The following ZFHX3 variants were observed in gnomAD, a reference collection of about 807,000 sequenced individuals.
ZFHX3 encodes the protein zinc finger homeobox protein 3.
In ZFHX3, 42 loss-of-function variants were observed where a neutral mutation model predicts 279.1. The observed-to-expected ratio is 0.15, with a 90% CI of 0.12 to 0.19. The LOEUF (loss-of-function observed/expected upper bound fraction) is 0.19, where lower values mean the gene tolerates loss of function less well. Ranked by LOEUF, ZFHX3 falls within the 10% of genes least tolerant of loss-of-function variation. The pLI, the probability that ZFHX3 is intolerant of heterozygous loss-of-function variation, is 1.00. For missense variants in ZFHX3, 4,981 were observed against 4,754.0 expected (o/e 1.05, Z -1.40); for synonymous variants, 2,293 against 1,957.8 (o/e 1.17, Z -4.52).
intron 1 of ZFHX3, among the ~76,000 whole-genome samples, chr16:73,002,913 T>C (rs1195015933): frequency 6.6e-6 from 1 of 152,210 alleles, no homozygotes; most frequent in Non-Finnish European, 1.5e-5. Context: ...AAACAAAGTA[T>C]TAAAAGTAGC....
intron 4 of ZFHX3, among the ~76,000 whole-genome samples, chr16:73,284,725 GA>G (rs1389253419): frequency 1.3e-5 from 2 of 152,168 alleles, no homozygotes; most frequent in Non-Finnish European, 2.9e-5. Flanking sequence ...CTTATTCAAA[GA>G]GTCTCCCCTT....
chr16:72,988,019 C>T (rs1307741510), intron 1 of ZFHX3, among the ~76,000 whole-genome samples: 1 of 152,186 alleles, frequency 6.6e-6, no homozygotes, highest in Non-Finnish European at 1.5e-5. Context: ...TCTGCTGTTA[C>T]CTTTTAACCT....
At chr16:73,191,253 G>A (rs1968024877) in intron 5 of ZFHX3, among the ~76,000 whole-genome samples, 1 of 152,130 alleles carries the variant, frequency 6.6e-6, no homozygotes, top group Non-Finnish European at 1.5e-5. Context: ...TAATCTCTCT[G>A]GGAGGAAGTC....
At chr16:73,688,605 C>A (rs552996341) in intron 1 of ZFHX3, among the ~76,000 whole-genome samples, 4 of 152,106 alleles carry the variant, frequency 2.6e-5, no homozygotes, top group Non-Finnish European at 5.9e-5. Flanking sequence ...GGATCTTGGA[C>A]TTCCCAGACC....
At chr16:73,328,031 C>T (rs888738270) in intron 3 of ZFHX3, among the ~76,000 whole-genome samples, 1 of 152,102 alleles carries the variant, frequency 6.6e-6, no homozygotes, top group Non-Finnish European at 1.5e-5. Context: ...GAATACTGAA[C>T]CTATTTGACC....
intron 1 of ZFHX3, among the ~76,000 whole-genome samples, chr16:73,840,640 T>C (rs916017854): frequency 6.6e-6 from 1 of 152,202 alleles, no homozygotes; most frequent in Non-Finnish European, 1.5e-5. Flanking sequence ...TTTTTGTCCA[T>C]AGCACCTAAA....
intron 2 of ZFHX3, among the ~76,000 whole-genome samples, chr16:73,632,587 G>A (rs543304457): frequency 6.6e-6 from 1 of 152,038 alleles, no homozygotes; most frequent in African/African-American, 2.4e-5. Flanking sequence ...TCAGGAGACT[G>A]AGGCAGGAGA....
chr16:73,540,640 T>G (rs943713854), intron 2 of ZFHX3, among the ~76,000 whole-genome samples: 1 of 152,236 alleles, frequency 6.6e-6, no homozygotes, highest in Non-Finnish European at 1.5e-5. Context: ...CTTTTTCAAG[T>G]ATTTTTTAAC....
chr16:72,949,567 C>CTCGGTT (rs1180179051), intron 3 of ZFHX3, among the ~76,000 whole-genome samples: 2 of 151,892 alleles, frequency 1.3e-5, no homozygotes, highest in South Asian at 2.1e-4. Flanking sequence ...CCTCGGTTGC[C>CTCGGTT]GTCTATGGAG....
chr16:72,844,001 C>T (rs967230053), intron 4 of ZFHX3, among the ~76,000 whole-genome samples: 1 of 152,242 alleles, frequency 6.6e-6, no homozygotes. Flanking sequence ...TCTCTCTCCC[C>T]CTCTCCTACA....
At chr16:72,880,907 A>G (rs140789865) in intron 4 of ZFHX3, among the ~76,000 whole-genome samples, 2 of 152,374 alleles carry the variant, frequency 1.3e-5, no homozygotes, top group Admixed American at 6.5e-5. Context: ...AGACATAAGT[A>G]GCAAAAAGCA....
intron 1 of ZFHX3, 138 bp from the exon 2 acceptor site, chr16:72,960,332 G>T: frequency 1.6e-6 from 1 of 625,240 alleles, no homozygotes; most frequent in Non-Finnish European, 2.5e-6. Context: ...AGAGACACAG[G>T]GCGGAGGGCG....
At chr16:73,412,638 C>T (rs145636866) in intron 3 of ZFHX3, among the ~76,000 whole-genome samples, 25 of 152,326 alleles carry the variant, frequency 1.6e-4, no homozygotes, top group African/African-American at 6.0e-4. Flanking sequence ...GCCGATGAAC[C>T]CCTGGGGCTG....
chr16:73,538,277 C>G lies in ZFHX3; in HGVS notation c.-1546-82019G>C, dbSNP rs560239802. Among the ~76,000 whole-genome samples, 3 of 152,244 alleles carry G rather than the reference C, an allele frequency of 2.0e-5. No homozygotes were observed. The South Asian group carries it at 6.2e-4, about 31-fold the overall frequency. Reference sequence around the variant, plus strand: ...CCAGTTTTTCATCTTAGGCCCTCTTCTGTTTCCTCTGCTACACAGAGTTTG... The same window carrying G: ...CCAGTTTTTCATCTTAGGCCCTCTTGTGTTTCCTCTGCTACACAGAGTTTG... On this transcript the variant is annotated intron_variant, in intron 2 of 17. Coordinates refer to the ZFHX3 transcript ENST00000641206.
intron 4 of ZFHX3, chr16:73,257,266 A>G (rs143272302): frequency 1.1e-3 from 166 of 152,374 alleles, no homozygotes; most frequent in African/African-American, 3.8e-3. Flanking sequence ...GGTGTTATAA[A>G]TATGGTCATC....
intron 1 of ZFHX3, among the ~76,000 whole-genome samples, chr16:73,809,898 T>C (rs1313068233): frequency 1.3e-5 from 2 of 152,194 alleles, no homozygotes; most frequent in Admixed American, 1.3e-4. Flanking sequence ...GCCTTCCCTG[T>C]GGCCACTTAC....
intron 1 of ZFHX3, among the ~76,000 whole-genome samples, chr16:72,992,346 T>C (rs1963123050): frequency 6.6e-6 from 1 of 152,020 alleles, no homozygotes; most frequent in Non-Finnish European, 1.5e-5. Flanking sequence ...TTCCCTGCCT[T>C]CCCCCATTAA....
At chr16:73,429,664 A>T (rs1028883232) in intron 3 of ZFHX3, among the ~76,000 whole-genome samples, 3 of 152,076 alleles carry the variant, frequency 2.0e-5, no homozygotes, top group Non-Finnish European at 2.9e-5. Flanking sequence ...GCCAATTTTT[A>T]AAAATGTAAA....
rs72088009 is a variant in ZFHX3, at chr16:72,941,506, GGTA to G, written c.3216+8960_3216+8962del. On this transcript the variant is annotated intron_variant, in intron 3 of 9. Coordinates refer to ENST00000268489, the MANE Select transcript of ZFHX3 (RefSeq NM_006885.4). ...GATGCCCAGTTAAATGTGAATTTCA[GGTA>G]AGTGTAAGTATAATTTATGAGATAC... 4.2e-3 allele frequency among the ~76,000 whole-genome samples: 643 copies of G among 152,252 alleles called. 3 individuals carry two copies. Among genetic ancestry groups the G allele is most frequent in the African/African-American group, 0.015 (605 of 41,546 alleles).
Sources: allele counts gnomAD v4.1 joint callset (sites outside exome capture counted in the v4.1 genomes callset), GRCh38; gene constraint gnomAD v4.1.1; transcripts MANE v1.5; gene names NCBI Gene and HGNC (gene_info 2026-07-23, HGNC 2026-07-21).